COX10: variants seen among roughly 807,000 people sequenced by gnomAD.
The protein encoded by COX10 is protoheme IX farnesyltransferase, mitochondrial.
Under a neutral mutation model 37.3 loss-of-function variants are expected in COX10, and 27 were observed. The ratio of observed to expected loss-of-function variants is 0.72; its 90% CI spans 0.53 to 1.00. The LOEUF is 1.00. Among genes scored for constraint, COX10 ranks in the 50% least tolerant of loss-of-function variants. COX10 has a pLI of 0.00. For missense variants in COX10, 475 were observed against 563.2 expected, an observed-to-expected ratio of 0.84 and a Z score of 1.59; for synonymous variants, 222 against 229.1, an observed-to-expected ratio of 0.97 and a Z score of 0.28.
chr17:14,121,359 G>C (rs1173250561), intron 4 of COX10, among the ~76,000 whole-genome samples: 3 of 152,190 alleles, frequency 2.0e-5, no homozygotes, highest in Non-Finnish European at 2.9e-5. Flanking sequence ...TGAGGGATGC[G>C]TATCTTAATA....
intron 4 of COX10, among the ~76,000 whole-genome samples, chr17:14,150,104 T>A (rs972455320): frequency 6.6e-6 from 1 of 152,100 alleles, no homozygotes; most frequent in African/African-American, 2.4e-5. Context: ...AAACCCCATC[T>A]CTACCAACAA....
intron 5 of COX10, among the ~76,000 whole-genome samples, chr17:14,171,227 T>C (rs1372774607): frequency 6.6e-6 from 1 of 152,154 alleles, no homozygotes. Context: ...TAGAAAAGGG[T>C]GCTAGTTCCC....
intron 5 of COX10, chr17:14,177,199 TC>T (rs1198918867): frequency 1.4e-6 from 1 of 712,042 alleles, no homozygotes; most frequent in Non-Finnish European, 2.6e-6. Flanking sequence ...TCTGGTTGCC[TC>T]CGTCACTGTT....
intron 4 of COX10, among the ~76,000 whole-genome samples, chr17:14,131,375 G>A (rs1251217080): frequency 6.6e-6 from 1 of 151,864 alleles, no homozygotes; most frequent in Non-Finnish European, 1.5e-5. Flanking sequence ...AAGTGAGAAG[G>A]CATGCTAGAA....
intron 4 of COX10, among the ~76,000 whole-genome samples, chr17:14,147,709 A>C (rs899904558): frequency 2.0e-5 from 3 of 151,962 alleles, no homozygotes; most frequent in Non-Finnish European, 4.4e-5. Flanking sequence ...TGATGTGACT[A>C]TTATACATTG....
intron 5 of COX10, among the ~76,000 whole-genome samples, chr17:14,172,280 G>T (rs763496346): frequency 1.3e-5 from 2 of 152,278 alleles, no homozygotes; most frequent in South Asian, 4.1e-4. Context: ...ATACTCAGTA[G>T]TGGGATTACT....
At chr17:14,188,125 A>G (rs1302850780) in intron 5 of COX10, among the ~76,000 whole-genome samples, 1 of 129,982 alleles carries the variant, frequency 7.7e-6, no homozygotes, top group Admixed American at 8.2e-5. Flanking sequence ...TTTTTTTGAC[A>G]CAAGGGCCAA....
intron 3 of COX10, among the ~76,000 whole-genome samples, chr17:14,093,341 A>G (rs1211187857): frequency 6.6e-6 from 1 of 152,154 alleles, no homozygotes; most frequent in Non-Finnish European, 1.5e-5. Flanking sequence ...TTTTTAACGT[A>G]ATCTTTACAG....
At chr17:14,146,903 T>A (rs773731389) in intron 4 of COX10, among the ~76,000 whole-genome samples, 8 of 152,134 alleles carry the variant, frequency 5.3e-5, no homozygotes, top group Non-Finnish European at 7.4e-5. Flanking sequence ...ATGCTCAACA[T>A]CATCGATTAT....
chr17:14,120,649 G>C (rs1916210442), intron 4 of COX10, among the ~76,000 whole-genome samples: 1 of 152,152 alleles, frequency 6.6e-6, no homozygotes, highest in Non-Finnish European at 1.5e-5. Flanking sequence ...AATTCCAGCA[G>C]ATGTCATGCA....
rs566854362 is a variant in COX10 at position 14,076,339 on chromosome 17, T to C, written c.178-396T>C. 7.9e-5 allele frequency among the ~76,000 whole-genome samples: 12 copies of C among 152,128 alleles called. No individual in the cohort carries two copies. In the East Asian group the frequency reaches 2.3e-3, roughly 30 times the overall value. On this transcript the variant is annotated intron_variant, in intron 2 of 6. Coordinates refer to ENST00000261643, the MANE Select transcript of COX10 (RefSeq NM_001303.4). ...GGTCTCATACTCCTAGGCTCGAGGATCCTGGGATTACAGTCATGAGCCACT... is the reference window on the plus strand; with the variant it reads ...GGTCTCATACTCCTAGGCTCGAGGACCCTGGGATTACAGTCATGAGCCACT...
chr17:14,092,818 C>T (rs1915558231), intron 3 of COX10, among the ~76,000 whole-genome samples: 1 of 152,156 alleles, frequency 6.6e-6, no homozygotes, highest in African/African-American at 2.4e-5. Flanking sequence ...TCAAAAAAGA[C>T]TTAACTCCTT....
At chr17:14,149,128 C>T (rs1357264750) in intron 4 of COX10, among the ~76,000 whole-genome samples, 2 of 151,118 alleles carry the variant, frequency 1.3e-5, no homozygotes, top group African/African-American at 2.4e-5. Context: ...TATAATCATG[C>T]CCTAGATTTT....
At chr17:14,093,473 A>G (rs963531166) in intron 3 of COX10, among the ~76,000 whole-genome samples, 1 of 152,232 alleles carries the variant, frequency 6.6e-6, no homozygotes, top group Non-Finnish European at 1.5e-5. Flanking sequence ...TGCTTCTTCA[A>G]GAAAACCTCT....
rs189358985 is a variant in COX10 at position 14,207,858 on chromosome 17, C to T, written c.*645C>T. On this transcript the variant is annotated 3_prime_UTR_variant, in exon 7 of 7. Transcript: ENST00000261643. ...TGCCAGCCCCTGTCCTCCCTTCACC[C>T]CCATTGCGTATGAGCATTTCAGAAC... is the stretch of plus-strand genomic sequence containing the variant. 2 of 152,894 alleles carry T rather than the reference C, an allele frequency of 1.3e-5. No individual in the cohort carries two copies. Among genetic ancestry groups the T allele is most frequent in the African/African-American group, 4.8e-5 (2 of 41,566 alleles). The allele number at this position is 152,894 out of a possible 1,614,324, so 9.5% of individuals were successfully genotyped here.
chr17:14,086,930 A>T (rs915148756), intron 3 of COX10, among the ~76,000 whole-genome samples: 4 of 152,182 alleles, frequency 2.6e-5, no homozygotes, highest in Non-Finnish European at 5.9e-5. Context: ...TGTGTTATGT[A>T]GAGTGCTGAC....
chr17:14,149,933 G>C (rs1010410427), intron 4 of COX10, among the ~76,000 whole-genome samples: 1 of 152,128 alleles, frequency 6.6e-6, no homozygotes, highest in South Asian at 2.1e-4. Flanking sequence ...GGATATGACT[G>C]ATTGGGAAGG....
chr17:14,105,044 C>A (rs1469855443), intron 4 of COX10, among the ~76,000 whole-genome samples: 1 of 151,980 alleles, frequency 6.6e-6, no homozygotes, highest in Non-Finnish European at 1.5e-5. Flanking sequence ...AAACAAGTGA[C>A]AAACTGAATA....
chr17:14,205,847 G>C (rs541150744), intron 6 of COX10, among the ~76,000 whole-genome samples: 1 of 152,186 alleles, frequency 6.6e-6, no homozygotes, highest in East Asian at 1.9e-4. Context: ...ATGAGAGTAG[G>C]GTCTGTCACA....
Sources: allele counts gnomAD v4.1 joint callset (sites outside exome capture counted in the v4.1 genomes callset), GRCh38; gene constraint gnomAD v4.1.1; transcripts MANE v1.5; gene names NCBI Gene and HGNC (gene_info 2026-07-23, HGNC 2026-07-21).